Variants in RALGPS1 observed in about 807,000 individuals in gnomAD.
The protein encoded by RALGPS1 is ras-specific guanine nucleotide-releasing factor RalGPS1.
Under a neutral mutation model 78.8 loss-of-function variants are expected in RALGPS1, and 19 were observed. The ratio of observed to expected loss-of-function variants is 0.24; its 90% CI spans 0.17 to 0.35. The LOEUF is 0.35. Among genes scored for constraint, RALGPS1 ranks in the 10% least tolerant of loss-of-function variants. The pLI, the probability that RALGPS1 is intolerant of heterozygous loss-of-function variation, is 1.00. For synonymous variants in RALGPS1, 228 were observed against 256.3 expected, an observed-to-expected ratio of 0.89 and a Z score of 1.06; for missense variants, 454 against 688.3, an observed-to-expected ratio of 0.66 and a Z score of 3.81.
intron 8 of RALGPS1, chr9:127,108,422 C>A: frequency 6.2e-7 from 1 of 1,608,544 alleles, no homozygotes; most frequent in Non-Finnish European, 8.5e-7. Flanking sequence ...TGCAGCGTCT[C>A]GATCTGCCGC....
At chr9:126,937,659 T>C (rs1404569121) in intron 1 of RALGPS1, among the ~76,000 whole-genome samples, 1 of 152,166 alleles carries the variant, frequency 6.6e-6, no homozygotes, top group East Asian at 1.9e-4. Context: ...GCTCCAGTCA[T>C]CACATCTGCA....
At chr9:127,088,952 T>G in intron 8 of RALGPS1, 1 of 1,614,158 alleles carries the variant, frequency 6.2e-7, no homozygotes, top group Non-Finnish European at 8.5e-7. Context: ...GTGGAAGGTG[T>G]TGGGGTTCGG....
chr9:127,078,682 C>G (rs1384526195), intron 8 of RALGPS1, among the ~76,000 whole-genome samples: 3 of 152,202 alleles, frequency 2.0e-5, no homozygotes, highest in Admixed American at 2.0e-4. Context: ...CTGCAGTCAG[C>G]TTTTCTCTGG....
In RALGPS1 at chr9:127,212,745, G is replaced by A. The variant is rs752746659; in HGVS notation, c.1446+26G>A. On this transcript the variant is annotated intron_variant, in intron 16 of 18. Coordinates refer to ENST00000259351, the MANE Select transcript of RALGPS1 (RefSeq NM_014636.3). This position sits in a 1 kb window ranked among gnomAD's most constrained non-coding sequence, Gnocchi z 6.0. ...GTAAGTCCCTTGAAAGGACTCTAGT[G>A]CTGGGACTTCCTCTAGTGGGGAAGG... 6.3e-7 allele frequency: 1 copy of A among 1,580,434 alleles called. No homozygotes were observed. The highest frequency in any genetic ancestry group is 2.2e-5 in the East Asian group (1 of 44,508).
chr9:127,089,214 G>A (rs2052151513), intron 8 of RALGPS1: 5 of 1,486,948 alleles, frequency 3.4e-6, no homozygotes, highest in Non-Finnish European at 4.7e-6. Flanking sequence ...CAGGGCTTTC[G>A]GCAAAGCCCT....
intron 8 of RALGPS1, among the ~76,000 whole-genome samples, chr9:127,104,584 G>A (rs929975626): frequency 6.6e-6 from 1 of 152,242 alleles, no homozygotes; most frequent in African/African-American, 2.4e-5. Flanking sequence ...AGCCAGGGAA[G>A]CCAGGAGCTG....
chr9:127,087,999 C>T (rs1170816691), intron 8 of RALGPS1: 1 of 152,634 alleles, frequency 6.6e-6, no homozygotes, highest in African/African-American at 2.4e-5. Context: ...CCCTTCCCAA[C>T]CAGAAACCTG....
chr9:127,049,571 T>C (rs1360635000), intron 5 of RALGPS1, among the ~76,000 whole-genome samples: 3 of 152,202 alleles, frequency 2.0e-5, no homozygotes, highest in Non-Finnish European at 2.9e-5. Flanking sequence ...TGATGAATCC[T>C]CCTTATCTTA....
intron 9 of RALGPS1, 44 bp from the exon 10 acceptor site, chr9:127,168,635 G>T: frequency 7.2e-7 from 1 of 1,379,372 alleles, no homozygotes; most frequent in Non-Finnish European, 1.0e-6. Context: ...GGGGCCTAAA[G>T]ATGGGAGAGC....
chr9:127,068,627 T>G (rs1389511655), intron 7 of RALGPS1, among the ~76,000 whole-genome samples: 1 of 152,140 alleles, frequency 6.6e-6, no homozygotes, highest in Non-Finnish European at 1.5e-5. Context: ...AAATTGGTGC[T>G]TAGCCCTGGA....
At chr9:126,975,700 T>A (rs933132636) in intron 3 of RALGPS1, among the ~76,000 whole-genome samples, 1 of 152,168 alleles carries the variant, frequency 6.6e-6, no homozygotes, top group African/African-American at 2.4e-5. Flanking sequence ...CATGGAGCTC[T>A]AGGCCAAACA....
At chr9:127,163,744 T>G (rs1193709780) in intron 8 of RALGPS1, among the ~76,000 whole-genome samples, 2 of 152,226 alleles carry the variant, frequency 1.3e-5, no homozygotes, top group Non-Finnish European at 2.9e-5. Flanking sequence ...GTAAAATAGC[T>G]TGTTAGAAGG....
At chr9:127,178,078 C>T (rs910796742) in intron 11 of RALGPS1, 2 of 1,343,422 alleles carry the variant, frequency 1.5e-6, no homozygotes, top group South Asian at 1.3e-5. Flanking sequence ...GGCTAAAGGG[C>T]ATGGGGAAGA....
chr9:127,124,210 G>A (rs2056425511), intron 8 of RALGPS1, among the ~76,000 whole-genome samples: 1 of 152,194 alleles, frequency 6.6e-6, no homozygotes, highest in South Asian at 2.1e-4. Flanking sequence ...TGGTGGAAGT[G>A]GCACCACCTG....
At chr9:126,982,865 T>C (rs2041402948) in intron 4 of RALGPS1, among the ~76,000 whole-genome samples, 1 of 149,892 alleles carries the variant, frequency 6.7e-6, no homozygotes, top group Admixed American at 6.7e-5. Context: ...CTCCTTCTTC[T>C]TCTTCTTCCT....
At chr9:127,020,287 G>A (rs1293945892) in intron 4 of RALGPS1, among the ~76,000 whole-genome samples, 1 of 152,200 alleles carries the variant, frequency 6.6e-6, no homozygotes, top group Non-Finnish European at 1.5e-5. Context: ...ATAGAAGGCA[G>A]TGCGAAGATT....
At position 126,925,129 on chromosome 9, in the gene RALGPS1, A is replaced by AAAAT. The variant is rs545566022; in HGVS notation, c.-66+10180_-66+10183dup. Among the ~76,000 whole-genome samples the AAAAT allele has an allele frequency of 3.4e-3, 523 of 152,072 alleles. 1 individual carries two copies. The highest frequency in any genetic ancestry group is 8.5e-3 in the African/African-American group (352 of 41,492). On this transcript the variant is annotated intron_variant, in intron 1 of 18. Transcript: ENST00000259351. ...GAAGCAAGAGTGAAACTCCATCTCA[A>AAAAT]AAATAAATAAATAAATAAATAAATA...
intron 4 of RALGPS1, chr9:127,017,111 AT>A (rs1333003129): frequency 6.6e-6 from 1 of 152,250 alleles, no homozygotes; most frequent in African/African-American, 2.4e-5. Context: ...TGAAAAGATA[AT>A]ATCTTGGATA....
intron 2 of RALGPS1, among the ~76,000 whole-genome samples, chr9:126,965,426 AG>A (rs2039381367): frequency 7.8e-6 from 1 of 127,790 alleles, no homozygotes; most frequent in African/African-American, 2.5e-5. Flanking sequence ...TTCTCCCTCA[AG>A]GAAGATTGGG....
Sources: gnomAD v4.1 joint callset for allele counts (sites outside exome capture counted in the v4.1 genomes callset) on GRCh38, gnomAD v4.1.1 for gene constraint, Gnocchi (gnomAD v3.1) non-coding constraint, MANE v1.5 for transcripts, NCBI Gene and HGNC (gene_info 2026-07-23, HGNC 2026-07-21) for gene names.